Variants in ZBTB46 observed in about 807,000 individuals in gnomAD.
ZBTB46 encodes zinc finger and BTB domain-containing protein 46.
ZBTB46 carries 8 observed loss-of-function variants against 44.1 expected under a neutral mutation model. That is an observed-to-expected ratio of 0.18 (90% CI 0.11 to 0.33). The LOEUF (loss-of-function observed/expected upper bound fraction) is 0.33, where lower values mean the gene tolerates loss of function less well. Ranked by LOEUF, ZBTB46 falls within the 10% of genes least tolerant of loss-of-function variation. The probability of loss-of-function intolerance (pLI) is 1.00; values close to 1 mark genes in which losing one functional copy is unlikely to be tolerated. For synonymous variants in ZBTB46, 409 were observed against 382.3 expected, an observed-to-expected ratio of 1.07 and a Z score of -0.81; for missense variants, 651 against 847.7, an observed-to-expected ratio of 0.77 and a Z score of 2.88.
chr20:63,800,576 C>T (rs1284427590), intron 1 of ZBTB46, among the ~76,000 whole-genome samples: 1 of 152,200 alleles, frequency 6.6e-6, no homozygotes. Flanking sequence ...GAGGCGTGGG[C>T]GGGAACCGGG....
chr20:63,784,426 C>T (rs2092495963), intron 2 of ZBTB46, among the ~76,000 whole-genome samples: 1 of 152,202 alleles, frequency 6.6e-6, no homozygotes, highest in Non-Finnish European at 1.5e-5. Flanking sequence ...GTCAAGCTCC[C>T]ACCTCACCAG....
intron 3 of ZBTB46, among the ~76,000 whole-genome samples, chr20:63,760,285 A>G (rs567776527): frequency 2.7e-4 from 41 of 152,216 alleles, no homozygotes; most frequent in Admixed American, 3.3e-4. Context: ...TATTAATTCA[A>G]TTTTCTCAGC....
At chr20:63,785,342 C>G (rs1301728577) in intron 2 of ZBTB46, among the ~76,000 whole-genome samples, 1 of 151,576 alleles carries the variant, frequency 6.6e-6, no homozygotes, top group Non-Finnish European at 1.5e-5. Context: ...GGGCGGACCG[C>G]TTGAGGTCAG....
chr20:63,822,083 C>CT (rs1405667177), intron 1 of ZBTB46, among the ~76,000 whole-genome samples: 1 of 152,188 alleles, frequency 6.6e-6, no homozygotes, highest in African/African-American at 2.4e-5. Context: ...ACCATCTGTG[C>CT]TTTTACTCAA....
In ZBTB46 at chr20:63,787,261, G is replaced by A. The variant is rs1452418843; in HGVS notation, c.937+2560C>T. Among the ~76,000 whole-genome samples, 1 of 151,890 alleles carries A rather than the reference G, an allele frequency of 6.6e-6. No individual in the cohort carries two copies. Among genetic ancestry groups the A allele is most frequent in the East Asian group, 1.9e-4 (1 of 5,188 alleles). On this transcript the variant is annotated intron_variant, in intron 2 of 4. Coordinates refer to ENST00000245663, the MANE Select transcript of ZBTB46 (RefSeq NM_001369741.1). This position sits in a 1 kb window ranked among gnomAD's most constrained non-coding sequence, Gnocchi z 4.6. ...TTCCTGTCACCTGGTGGCGTGACAG[G>A]AATAGCCATCGCCATCCTAGCCATC...
At chr20:63,799,667 G>A (rs1391845422) in intron 1 of ZBTB46, among the ~76,000 whole-genome samples, 2 of 152,162 alleles carry the variant, frequency 1.3e-5, no homozygotes, top group African/African-American at 4.8e-5. Context: ...TAATCTTTTA[G>A]CAGGAAAACG....
intron 1 of ZBTB46, among the ~76,000 whole-genome samples, chr20:63,801,142 T>C (rs6011123): frequency 0.42 from 63,485 of 151,878 alleles, 13,748 homozygotes; most frequent in East Asian, 0.55. Context: ...CACCAATCAG[T>C]GCTCTGTGTC....
chr20:63,773,591 C>G (rs750781036), intron 3 of ZBTB46, among the ~76,000 whole-genome samples: 28 of 151,894 alleles, frequency 1.8e-4, no homozygotes, highest in Non-Finnish European at 3.2e-4. Context: ...TGAAAAGGCG[C>G]TCGGAGGGGA....
intron 1 of ZBTB46, among the ~76,000 whole-genome samples, chr20:63,795,095 C>T (rs1394308168): frequency 1.3e-5 from 2 of 152,248 alleles, no homozygotes; most frequent in Non-Finnish European, 2.9e-5. Context: ...ACCCTAGACC[C>T]TCAGAGGGAC....
At chr20:63,786,151 C>A (rs972237191) in intron 2 of ZBTB46, among the ~76,000 whole-genome samples, 1 of 152,196 alleles carries the variant, frequency 6.6e-6, no homozygotes, top group Admixed American at 6.5e-5. Flanking sequence ...TCAGAATAAA[C>A]CCCCCAAAGC....
intron 1 of ZBTB46, chr20:63,814,916 T>C (rs1027612884): frequency 1.9e-5 from 3 of 154,412 alleles, no homozygotes; most frequent in Non-Finnish European, 2.9e-5. Flanking sequence ...AAAAATGCTA[T>C]TGTGAGCTGA....
intron 2 of ZBTB46, among the ~76,000 whole-genome samples, chr20:63,786,503 GTTTT>G: frequency 6.6e-6 from 1 of 152,000 alleles, no homozygotes; most frequent in East Asian, 1.9e-4. Flanking sequence ...TTGTTTTGAG[GTTTT>G]TTGATTTGTT....
intron 1 of ZBTB46, among the ~76,000 whole-genome samples, chr20:63,805,448 G>A (rs900913500): frequency 6.6e-6 from 1 of 152,058 alleles, no homozygotes; most frequent in South Asian, 2.1e-4. Flanking sequence ...TGGAGTGACA[G>A]AGCAAGACCC....
intron 3 of ZBTB46, among the ~76,000 whole-genome samples, chr20:63,770,227 C>T (rs2092356626): frequency 1.3e-5 from 2 of 152,142 alleles, no homozygotes; most frequent in African/African-American, 2.4e-5. Flanking sequence ...TTTGGAGACA[C>T]GAAGGCAGCA....
chr20:63,804,386 C>T (rs911425513), intron 1 of ZBTB46, among the ~76,000 whole-genome samples: 1 of 152,154 alleles, frequency 6.6e-6, no homozygotes, highest in Admixed American at 6.5e-5. Context: ...TCTGTAAAGG[C>T]GAATCCTGCC....
At chr20:63,774,735 C>T (rs2092408162) in intron 3 of ZBTB46, among the ~76,000 whole-genome samples, 1 of 133,742 alleles carries the variant, frequency 7.5e-6, no homozygotes, top group African/African-American at 2.8e-5. Context: ...ACAGAGTCTC[C>T]CTCTGTCGCC....
At chr20:63,784,095 G>A (rs1388135112) in intron 2 of ZBTB46, among the ~76,000 whole-genome samples, 1 of 152,156 alleles carries the variant, frequency 6.6e-6, no homozygotes, top group Non-Finnish European at 1.5e-5. Flanking sequence ...CCCAACCTTC[G>A]TGGAGAGAAA....
chr20:63,753,149 G>A (rs572011072), intron 3 of ZBTB46, among the ~76,000 whole-genome samples: 44 of 152,310 alleles, frequency 2.9e-4, no homozygotes, highest in Non-Finnish European at 5.6e-4. Context: ...GGAGGCAAGG[G>A]GTAAGAACGG....
chr20:63,790,302 G>A lies in ZBTB46; in HGVS notation c.456C>T (p.Ser152=), dbSNP rs1258403365. 2 of 1,612,920 alleles carry A rather than the reference G, an allele frequency of 1.2e-6. No homozygotes were observed. Among genetic ancestry groups the A allele is most frequent in the African/African-American group, 1.3e-5 (1 of 74,956 alleles). Residue 152 remains serine (S), a synonymous_variant, in exon 2 of 5, where the codon AGC becomes AGT. Transcript: ENST00000245663. The stretch of plus-strand genomic sequence containing the variant: ...CGGCCGAGATGAGAGCTTCCGTGCT[G>A]CTGCTGGACGAGGCGCCGATCTCGA... ...AEFEIGASSS[S]STEALISAVM...
Sources: gnomAD v4.1 joint callset for allele counts (sites outside exome capture counted in the v4.1 genomes callset) on GRCh38, gnomAD v4.1.1 for gene constraint, Gnocchi (gnomAD v3.1) non-coding constraint, MANE v1.5 for transcripts, NCBI Gene and HGNC (gene_info 2026-07-23, HGNC 2026-07-21) for gene names.